Variants in NPTN observed in about 807,000 individuals in gnomAD.
The protein encoded by NPTN is SDR-1.
A neutral mutation model predicts 42.7 loss-of-function variants in NPTN; 5 were observed. The ratio of observed to expected loss-of-function variants is 0.12; its 90% CI spans 0.06 to 0.25. NPTN has a LOEUF of 0.25. Among genes scored for constraint, NPTN ranks in the 10% least tolerant of loss-of-function variants. The probability of loss-of-function intolerance (pLI) is 1.00; values close to 1 mark genes in which losing one functional copy is unlikely to be tolerated. For synonymous variants in NPTN, 180 were observed against 201.9 expected, an observed-to-expected ratio of 0.89 and a Z score of 0.92; for missense variants, 307 against 525.4, an observed-to-expected ratio of 0.58 and a Z score of 4.06.
intron 1 of NPTN, among the ~76,000 whole-genome samples, chr15:73,615,819 C>A (rs1479479422): frequency 3.3e-5 from 5 of 152,050 alleles, no homozygotes; most frequent in Admixed American, 3.3e-4. Flanking sequence ...GACAGATCTC[C>A]AAGATGGTTA....
intron 6 of NPTN, chr15:73,567,342 A>C (rs1313533324): frequency 3.0e-6 from 3 of 985,260 alleles, no homozygotes; most frequent in Non-Finnish European, 3.6e-6. Context: ...CCATTTTCCT[A>C]ATGGTATAAA....
intron 1 of NPTN, among the ~76,000 whole-genome samples, chr15:73,629,190 A>G (rs1898595245): frequency 6.6e-6 from 1 of 152,218 alleles, no homozygotes; most frequent in Non-Finnish European, 1.5e-5. Context: ...GTGCTGCATT[A>G]TATCAGTAGT....
At chr15:73,599,806 G>C (rs1250634019) in intron 1 of NPTN, among the ~76,000 whole-genome samples, 6 of 152,042 alleles carry the variant, frequency 3.9e-5, no homozygotes, top group Non-Finnish European at 5.9e-5. Context: ...ATCACAAATG[G>C]TCTTATCACA....
At chr15:73,628,333 T>C (rs1040294035) in intron 1 of NPTN, among the ~76,000 whole-genome samples, 3 of 152,250 alleles carry the variant, frequency 2.0e-5, no homozygotes, top group African/African-American at 7.2e-5. Flanking sequence ...GCAGCCTTTC[T>C]TCTGTCTTTC....
In NPTN at chr15:73,570,989, A is replaced by T. The variant is rs1186306585; in HGVS notation, c.841-566T>A. Among the ~76,000 whole-genome samples, 1 of 152,236 alleles carries T rather than the reference A, an allele frequency of 6.6e-6. No homozygotes were observed. Among genetic ancestry groups the T allele is most frequent in the Admixed American group, 6.5e-5 (1 of 15,284 alleles). The stretch of plus-strand genomic sequence containing the variant: ...AGGAAAGGTTATTCAATCAATCAAC[A>T]AATATTTGTGGCTGGGCACAGAGGC... On this transcript the variant is annotated intron_variant, in intron 5 of 8. Coordinates refer to ENST00000345330, the MANE Select transcript of NPTN (RefSeq NM_012428.4). This position sits in a 1 kb window ranked among gnomAD's most constrained non-coding sequence, Gnocchi z 4.0.
At position 73,570,642 on chromosome 15, in the gene NPTN, C is replaced by T. The variant is rs1312088589; in HGVS notation, c.841-219G>A. Among the ~76,000 whole-genome samples the T allele has an allele frequency of 6.6e-6, 1 of 152,232 alleles. No homozygotes were observed. The highest frequency in any genetic ancestry group is 1.5e-5 in the Non-Finnish European group (1 of 68,040). On this transcript the variant is annotated intron_variant, in intron 5 of 8. Coordinates refer to ENST00000345330, the MANE Select transcript of NPTN (RefSeq NM_012428.4). This position sits in a 1 kb window ranked among gnomAD's most constrained non-coding sequence, Gnocchi z 4.0. ...CTTACCATCGGTCCTCCAGACTTCC[C>T]CGACTTCCACGAAGTGAGTGCAGGT...
intron 3 of NPTN, among the ~76,000 whole-genome samples, chr15:73,588,404 T>C (rs936122917): frequency 6.6e-6 from 1 of 152,166 alleles, no homozygotes; most frequent in Non-Finnish European, 1.5e-5. Context: ...ACAAGTCTAC[T>C]TGCTAACAGG....
intron 1 of NPTN, among the ~76,000 whole-genome samples, chr15:73,602,016 T>C (rs1897104727): frequency 6.6e-6 from 1 of 151,966 alleles, no homozygotes. Context: ...ACTGGATGTG[T>C]GGATATGTAG....
chr15:73,619,948 C>A (rs1392299008), intron 1 of NPTN, among the ~76,000 whole-genome samples: 1 of 152,148 alleles, frequency 6.6e-6, no homozygotes, highest in Non-Finnish European at 1.5e-5. Flanking sequence ...TTCTAACCAC[C>A]ATCCTGTGAG....
At chr15:73,631,444 T>A (rs1291890939) in intron 1 of NPTN, among the ~76,000 whole-genome samples, 3 of 152,194 alleles carry the variant, frequency 2.0e-5, no homozygotes, top group Non-Finnish European at 2.9e-5. Flanking sequence ...TGCAGTGATA[T>A]CCAAGGCCAT....
At chr15:73,611,649 T>A (rs542378576) in intron 1 of NPTN, among the ~76,000 whole-genome samples, 54 of 152,320 alleles carry the variant, frequency 3.5e-4, no homozygotes, top group African/African-American at 1.3e-3. Flanking sequence ...TGAAACTATC[T>A]GTATAATACT....
intron 4 of NPTN, among the ~76,000 whole-genome samples, chr15:73,583,399 T>C (rs567558449): frequency 5.3e-5 from 8 of 152,276 alleles, no homozygotes; most frequent in South Asian, 2.1e-4. Context: ...GGGCCAGTTA[T>C]TCCCTCAAGC....
intron 1 of NPTN, among the ~76,000 whole-genome samples, chr15:73,605,948 C>A (rs1035988209): frequency 6.6e-6 from 1 of 151,658 alleles, no homozygotes; most frequent in Non-Finnish European, 1.5e-5. Flanking sequence ...TGTAATACCA[C>A]CTACTTGGGA....
intron 1 of NPTN, among the ~76,000 whole-genome samples, chr15:73,615,183 CT>C (rs1897804865): frequency 6.9e-6 from 1 of 144,614 alleles, no homozygotes; most frequent in Non-Finnish European, 1.5e-5. Context: ...TAAAGATAAT[CT>C]TGAAGAAAAC....
At chr15:73,568,043 T>C (rs1895136349) in intron 6 of NPTN, 1 of 985,478 alleles carries the variant, frequency 1.0e-6, no homozygotes, top group Non-Finnish European at 1.2e-6. Context: ...TCAGATTTGC[T>C]GGCCACAGAT....
In NPTN at chr15:73,591,994, G is replaced by C. The variant is rs1253129075; in HGVS notation, c.583C>G (p.Arg195Gly). 2 of 1,613,452 alleles carry C rather than the reference G, an allele frequency of 1.2e-6. No individual in the cohort carries two copies. The highest frequency in any genetic ancestry group is 3.3e-5 in the Admixed American group (2 of 59,980). Residue 195 changes from arginine (R) to glycine (G), a missense_variant, in exon 3 of 9, where the codon CGT becomes GGT. Arg to Gly is a moderately radical substitution (Grantham distance 125). This residue lies in a region of NPTN where 264 missense variants were observed against 491.1 expected (regional missense o/e 0.54). Transcript: ENST00000345330. Reference protein sequence around the residue: ...TKNGVELSATRKNASNMEYRI... With the variant: ...TKNGVELSATGKNASNMEYRI... ...TACTCCATGTTGCTGGCATTCTTACGAGTGGCACTCAGTTCCACCCCATTC... is the reference window on the plus strand; with the variant it reads ...TACTCCATGTTGCTGGCATTCTTACCAGTGGCACTCAGTTCCACCCCATTC...
chr15:73,591,000 A>C (rs1896564790), intron 3 of NPTN, among the ~76,000 whole-genome samples: 1 of 152,202 alleles, frequency 6.6e-6, no homozygotes, highest in African/African-American at 2.4e-5. Flanking sequence ...CAATTCTAGA[A>C]AAAATTCTAG....
At chr15:73,627,173 T>C (rs1397470746) in intron 1 of NPTN, among the ~76,000 whole-genome samples, 2 of 152,034 alleles carry the variant, frequency 1.3e-5, no homozygotes, top group Non-Finnish European at 2.9e-5. Context: ...AAGGTGGAGG[T>C]TGCAGTGAGC....
chr15:73,567,316 G>A, intron 6 of NPTN: 1 of 985,178 alleles, frequency 1.0e-6, no homozygotes, highest in Non-Finnish European at 1.2e-6. Flanking sequence ...AGTATGGCAG[G>A]CCTATAAAAA....
Sources: allele counts gnomAD v4.1 joint callset (sites outside exome capture counted in the v4.1 genomes callset), GRCh38; gene constraint gnomAD v4.1.1; regional missense constraint gnomAD v4.1.1; non-coding constraint Gnocchi (gnomAD v3.1); transcripts MANE v1.5; gene names NCBI Gene and HGNC (gene_info 2026-07-23, HGNC 2026-07-21).